The following CNTN5 variants were observed in gnomAD, a reference collection of about 807,000 sequenced individuals.
CNTN5 encodes contactin-5.
In CNTN5, 77 loss-of-function variants were observed where a neutral mutation model predicts 129.1. That is an observed-to-expected ratio of 0.60 (90% CI 0.50 to 0.72). The LOEUF is 0.72. CNTN5 is among the 30% of genes least tolerant of loss of function. The pLI, the probability that CNTN5 is intolerant of heterozygous loss-of-function variation, is 0.00. For missense variants in CNTN5, 1,478 were observed against 1,328.8 expected, an observed-to-expected ratio of 1.11 and a Z score of -1.75; for synonymous variants, 509 against 465.6, an observed-to-expected ratio of 1.09 and a Z score of -1.20.
intron 9 of CNTN5, among the ~76,000 whole-genome samples, chr11:100,057,776 G>T (rs1369750308): frequency 1.3e-5 from 2 of 151,966 alleles, no homozygotes; most frequent in African/African-American, 4.8e-5. Flanking sequence ...TGTTATTTCT[G>T]TGGGGGAAAA....
Position 99,969,329 on chromosome 11 carries a change from A to G in CNTN5, c.877+12320A>G, listed in dbSNP as rs142250337. ...ATTCAGAAATAAATTTCTGAAAGAC[A>G]TAAACTTTTGATAACTGGCATTGTA... On this transcript the variant is annotated intron_variant, in intron 8 of 24. Coordinates refer to ENST00000524871, the MANE Select transcript of CNTN5 (RefSeq NM_014361.4). Among the ~76,000 whole-genome samples, 40 of 152,322 alleles carry G rather than the reference A, an allele frequency of 2.6e-4. No homozygotes were observed. The East Asian group carries it at 6.6e-3, about 25-fold the overall frequency.
chr11:100,228,138 C>T (rs1350059820), intron 16 of CNTN5, among the ~76,000 whole-genome samples: 2 of 152,168 alleles, frequency 1.3e-5, no homozygotes, highest in Non-Finnish European at 2.9e-5. Flanking sequence ...AATTCACTTT[C>T]TCATACAACT....
At chr11:100,194,744 G>A (rs1004582877) in intron 15 of CNTN5, among the ~76,000 whole-genome samples, 1 of 151,912 alleles carries the variant, frequency 6.6e-6, no homozygotes, top group African/African-American at 2.4e-5. Context: ...AAGTGAAAAA[G>A]TTACACCAGA....
At chr11:99,177,406 A>G (rs530178456) in intron 1 of CNTN5, among the ~76,000 whole-genome samples, 15 of 152,344 alleles carry the variant, frequency 9.8e-5, no homozygotes, top group Admixed American at 5.9e-4. Context: ...GAATAAATGA[A>G]TGAGTTAACC....
intron 14 of CNTN5, among the ~76,000 whole-genome samples, chr11:100,192,841 G>A (rs2138510891): frequency 6.6e-6 from 1 of 152,050 alleles, no homozygotes; most frequent in Non-Finnish European, 1.5e-5. Context: ...TCCATTCAGT[G>A]TTTCTACCTT....
intron 21 of CNTN5, among the ~76,000 whole-genome samples, chr11:100,336,083 A>G (rs1330708108): frequency 6.6e-6 from 1 of 152,226 alleles, no homozygotes; most frequent in Non-Finnish European, 1.5e-5. Context: ...TTATATAAAT[A>G]AAGATGCAGA....
intron 13 of CNTN5, among the ~76,000 whole-genome samples, chr11:100,165,957 G>C (rs953784538): frequency 1.3e-5 from 2 of 151,626 alleles, no homozygotes; most frequent in African/African-American, 4.8e-5. Context: ...TCTAACTCCT[G>C]AGCTTTCAGT....
At chr11:99,623,245 G>T (rs665068) in intron 3 of CNTN5, among the ~76,000 whole-genome samples, 67,514 of 151,750 alleles carry the variant, frequency 0.44, 15,382 homozygotes, top group Admixed American at 0.58. Flanking sequence ...AATAATTTAT[G>T]CCACAAATTA....
At chr11:99,583,315 G>T (rs1949679268) in intron 3 of CNTN5, among the ~76,000 whole-genome samples, 1 of 152,210 alleles carries the variant, frequency 6.6e-6, no homozygotes, top group Non-Finnish European at 1.5e-5. Flanking sequence ...CAGATCTCAA[G>T]CTGTGTGCTG....
At chr11:99,706,853 T>C (rs116049004) in intron 3 of CNTN5, among the ~76,000 whole-genome samples, 3,760 of 150,204 alleles carry the variant, frequency 0.025, 160 homozygotes, top group African/African-American at 0.085. Context: ...TTTTTTTTTT[T>C]TAAGCTATAA....
chr11:99,881,430 G>A (rs1948768997), intron 6 of CNTN5, among the ~76,000 whole-genome samples: 2 of 152,142 alleles, frequency 1.3e-5, no homozygotes, highest in African/African-American at 4.8e-5. Context: ...TTTACATGGG[G>A]AATGTATGGT....
At chr11:100,026,268 T>C (rs749537894) in intron 9 of CNTN5, among the ~76,000 whole-genome samples, 12 of 151,340 alleles carry the variant, frequency 7.9e-5, no homozygotes, top group Non-Finnish European at 1.0e-4. Flanking sequence ...GAAGATGCCT[T>C]GCTTCTTCTT....
chr11:99,646,748 G>A (rs972898667), intron 3 of CNTN5, among the ~76,000 whole-genome samples: 4 of 147,986 alleles, frequency 2.7e-5, no homozygotes, highest in African/African-American at 1.0e-4. Flanking sequence ...ATGACAATAT[G>A]TGATAAAAGA....
At chr11:99,568,913 A>T (rs1051883957) in intron 3 of CNTN5, among the ~76,000 whole-genome samples, 2 of 152,146 alleles carry the variant, frequency 1.3e-5, no homozygotes, top group African/African-American at 4.8e-5. Flanking sequence ...TTTCTTTTCT[A>T]TTATCTGGAA....
chr11:100,070,624 T>C (rs1257855158), intron 11 of CNTN5, 64 bp downstream of exon 11: 4 of 1,483,298 alleles, frequency 2.7e-6, no homozygotes, highest in Middle Eastern at 1.7e-4. Flanking sequence ...CAGGACAAAC[T>C]AGGCTTCTTT....
intron 2 of CNTN5, among the ~76,000 whole-genome samples, chr11:99,529,548 G>C (rs1947618531): frequency 6.6e-6 from 1 of 152,134 alleles, no homozygotes; most frequent in African/African-American, 2.4e-5. Flanking sequence ...TATATTTCAG[G>C]ATTTCAACAT....
intron 3 of CNTN5, among the ~76,000 whole-genome samples, chr11:99,659,473 C>T (rs1278449993): frequency 6.6e-6 from 1 of 152,056 alleles, no homozygotes; most frequent in Non-Finnish European, 1.5e-5. Context: ...ATATACTAGT[C>T]TTAGTTCTTC....
At chr11:99,811,274 G>A (rs1003357543) in intron 3 of CNTN5, among the ~76,000 whole-genome samples, 2 of 151,866 alleles carry the variant, frequency 1.3e-5, no homozygotes, top group Non-Finnish European at 2.9e-5. Context: ...TTTAGGGACG[G>A]AAATAGAATT....
chr11:99,427,578 A>G (rs1943179953), intron 2 of CNTN5, among the ~76,000 whole-genome samples: 1 of 151,918 alleles, frequency 6.6e-6, no homozygotes. Flanking sequence ...CATCTTGGCT[A>G]ACACGGTAAA....
Sources: gnomAD v4.1 joint callset for allele counts (sites outside exome capture counted in the v4.1 genomes callset) on GRCh38, gnomAD v4.1.1 for gene constraint, MANE v1.5 for transcripts, NCBI Gene and HGNC (gene_info 2026-07-23, HGNC 2026-07-21) for gene names.